Variants in FIG4 observed in about 807,000 individuals in gnomAD.
The protein encoded by FIG4 is FIG4 phosphoinositide 5-phosphatase, also known as polyphosphoinositide phosphatase.
Under a neutral mutation model 118.6 loss-of-function variants are expected in FIG4, and 112 were observed. That is an observed-to-expected ratio of 0.94 (90% CI 0.81 to 1.11). The LOEUF is 1.11. Among genes scored for constraint, FIG4 ranks in the 50% least tolerant of loss-of-function variants. The pLI, the probability that FIG4 is intolerant of heterozygous loss-of-function variation, is 0.00. For missense variants in FIG4, 969 were observed against 1,111.7 expected, an observed-to-expected ratio of 0.87 and a Z score of 1.83; for synonymous variants, 369 against 381.2, an observed-to-expected ratio of 0.97 and a Z score of 0.37.
intron 22 of FIG4, among the ~76,000 whole-genome samples, chr6:109,808,835 TACTTA>T (rs1562695684): frequency 6.6e-6 from 1 of 152,220 alleles, no homozygotes; most frequent in African/African-American, 2.4e-5. Flanking sequence ...CCGTGAACAA[TACTTA>T]AGATTGTTTT....
chr6:109,737,971 G>T (rs950548837), intron 6 of FIG4, among the ~76,000 whole-genome samples: 2 of 152,122 alleles, frequency 1.3e-5, no homozygotes, highest in Non-Finnish European at 2.9e-5. Context: ...TGACCTCATA[G>T]CCCTGTGCTC....
At chr6:109,706,659 G>A (rs1407025522) in intron 1 of FIG4, among the ~76,000 whole-genome samples, 2 of 152,166 alleles carry the variant, frequency 1.3e-5, no homozygotes, top group Non-Finnish European at 2.9e-5. Flanking sequence ...GACAGAAAAG[G>A]AACTAACACT....
chr6:109,763,996 T>C lies in FIG4; in HGVS notation c.1434+14T>C. 6.4e-7 allele frequency: 1 copy of C among 1,550,726 alleles called. No individual in the cohort carries two copies. Among genetic ancestry groups the C allele is most frequent in the Non-Finnish European group, 8.9e-7 (1 of 1,122,064 alleles). On this transcript the variant is annotated intron_variant, in intron 13 of 22. Transcript: ENST00000230124. ...GGTCGCCTGCAGGTATACACAGTATTACAATTCGTAATGAATAGAATCTGT... is the reference window on the plus strand; with the variant it reads ...GGTCGCCTGCAGGTATACACAGTATCACAATTCGTAATGAATAGAATCTGT...
At chr6:109,772,181 A>G (rs1777486779) in intron 15 of FIG4, among the ~76,000 whole-genome samples, 2 of 152,142 alleles carry the variant, frequency 1.3e-5, no homozygotes, top group South Asian at 2.1e-4. Context: ...ACAGTTGACC[A>G]CTTCCTCTTT....
intron 22 of FIG4, among the ~76,000 whole-genome samples, chr6:109,820,822 C>G (rs1757488291): frequency 6.6e-6 from 1 of 152,130 alleles, no homozygotes; most frequent in South Asian, 2.1e-4. Context: ...ATACAGTATC[C>G]TCACTCACCC....
chr6:109,729,233 T>C (rs914289329), intron 4 of FIG4, among the ~76,000 whole-genome samples: 1 of 152,232 alleles, frequency 6.6e-6, no homozygotes, highest in African/African-American at 2.4e-5. Flanking sequence ...AAAAATTATC[T>C]TCTTAATGTT....
At chr6:109,812,319 C>G (rs1472462923) in intron 22 of FIG4, among the ~76,000 whole-genome samples, 1 of 152,112 alleles carries the variant, frequency 6.6e-6, no homozygotes. Context: ...GTCAAAGGCA[C>G]AGAGGCATGT....
At chr6:109,745,271 G>T (rs188354788) in intron 10 of FIG4, among the ~76,000 whole-genome samples, 1 of 152,120 alleles carries the variant, frequency 6.6e-6, no homozygotes, top group Non-Finnish European at 1.5e-5. Context: ...GTGTAAAAGC[G>T]TTCCTATTTT....
chr6:109,795,226 G>A (rs1177420287), intron 21 of FIG4, among the ~76,000 whole-genome samples: 1 of 146,124 alleles, frequency 6.8e-6, no homozygotes, highest in Non-Finnish European at 1.5e-5. Flanking sequence ...CGGGGTTCAC[G>A]CCATTCTCCT....
intron 16 of FIG4, among the ~76,000 whole-genome samples, chr6:109,781,106 A>C (rs955256845): frequency 6.6e-6 from 1 of 152,104 alleles, no homozygotes; most frequent in African/African-American, 2.4e-5. Flanking sequence ...CCTATGCTTG[A>C]CAAGTTCTTG....
rs1205297302 is a variant in FIG4, at chr6:109,786,184, A to G, written c.1949-118A>G. On this transcript the variant is annotated intron_variant, in intron 17 of 22. Coordinates refer to ENST00000230124, the MANE Select transcript of FIG4 (RefSeq NM_014845.6). ...TGGAGGCAGGAGCTTACCCTCGGTC[A>G]GGGCTGTATCCCCCACAGAGCTTAT... 5 of 829,038 alleles carry G rather than the reference A, an allele frequency of 6.0e-6. No homozygotes were observed. The African/African-American group carries it at 8.5e-5, about 14-fold the overall frequency. 51.4% of individuals were successfully genotyped at this position (829,038 alleles called of 1,614,324 possible). A position where few individuals can be genotyped will look rare whatever the true frequency, so the allele number is the denominator to read the frequency against.
At chr6:109,736,250 G>A (rs1372830430) in intron 6 of FIG4, among the ~76,000 whole-genome samples, 5 of 152,104 alleles carry the variant, frequency 3.3e-5, no homozygotes, top group Admixed American at 6.5e-5. Flanking sequence ...ATCTGCCCTT[G>A]CAGCACTCTC....
intron 1 of FIG4, among the ~76,000 whole-genome samples, chr6:109,704,788 T>C (rs1775014354): frequency 6.6e-6 from 1 of 152,012 alleles, no homozygotes. Context: ...AACATAACTT[T>C]ACATAAAGAT....
chr6:109,800,086 C>G (rs1219371400), intron 22 of FIG4, among the ~76,000 whole-genome samples: 1 of 152,164 alleles, frequency 6.6e-6, no homozygotes, highest in Non-Finnish European at 1.5e-5. Flanking sequence ...GAAACTGAGG[C>G]ACAGAGAAGT....
In FIG4 at chr6:109,796,800, A is replaced by G; in HGVS notation, c.2495A>G (p.Asp832Gly). Residue 832 changes from aspartate (D) to glycine (G), a missense_variant, in exon 22 of 23, where the codon GAC (aspartate) becomes GGC (glycine). Physicochemically the swap from Asp to Gly is moderately conservative, Grantham distance 94 (BLOSUM62 -1). This residue lies in a region of FIG4 where 330 missense variants were observed against 348.1 expected (regional missense o/e 0.95). Transcript: ENST00000230124. ...VQLGQSQHKQDKNSQQPCSRC... is the reference protein window; with the variant it reads ...VQLGQSQHKQGKNSQQPCSRC... ...CTGGGGCAGAGTCAACATAAACAAG[A>G]CAAGAATAGCCAGCAGCCCTGTTCT... The G allele has an allele frequency of 1.9e-6, 3 of 1,612,544 alleles. No individual in the cohort carries two copies. Among genetic ancestry groups the G allele is most frequent in the Non-Finnish European group, 1.7e-6 (2 of 1,178,494 alleles).
At chr6:109,696,351 T>A (rs1774719117) in intron 1 of FIG4, among the ~76,000 whole-genome samples, 1 of 152,230 alleles carries the variant, frequency 6.6e-6, no homozygotes, top group African/African-American at 2.4e-5. Context: ...ATAGCTTTTT[T>A]ATAATACGCA....
At chr6:109,710,491 C>T (rs1775223958) in intron 1 of FIG4, among the ~76,000 whole-genome samples, 1 of 152,108 alleles carries the variant, frequency 6.6e-6, no homozygotes, top group South Asian at 2.1e-4. Flanking sequence ...GGAGGAGTCC[C>T]TCCTCCTCAG....
chr6:109,714,997 A>T, intron 1 of FIG4, 81 bp from the exon 2 acceptor site: 1 of 732,618 alleles, frequency 1.4e-6, no homozygotes, highest in Non-Finnish European at 2.4e-6. Context: ...TAATGTATTT[A>T]ATTTCAAAAA....
At chr6:109,818,012 G>A in intron 22 of FIG4, among the ~76,000 whole-genome samples, 1 of 152,218 alleles carries the variant, frequency 6.6e-6, no homozygotes. Context: ...AAAACCATAT[G>A]GCAAACCATC....
Sources: gnomAD v4.1 joint callset for allele counts (sites outside exome capture counted in the v4.1 genomes callset) on GRCh38, gnomAD v4.1.1 for gene constraint, gnomAD v4.1.1 regional missense constraint, MANE v1.5 for transcripts, NCBI Gene and HGNC (gene_info 2026-07-23, HGNC 2026-07-21) for gene names.